The following ADAMTSL1 variants were observed in gnomAD, a reference collection of about 807,000 sequenced individuals.
The protein encoded by ADAMTSL1 is ADAMTS-like protein 1.
A neutral mutation model predicts 201.8 loss-of-function variants in ADAMTSL1; 126 were observed. That is an observed-to-expected ratio of 0.62 (90% CI 0.54 to 0.72). The LOEUF (loss-of-function observed/expected upper bound fraction) is 0.72. Among genes scored for constraint, ADAMTSL1 ranks in the 30% least tolerant of loss-of-function variants. The pLI is 0.00. For missense variants in ADAMTSL1, 2,679 were observed against 2,277.8 expected (o/e 1.18, Z -3.59); for synonymous variants, 1,121 against 903.4 (o/e 1.24, Z -4.32).
At chr9:18,182,898 A>G (rs1828564689) in intron 2 of ADAMTSL1, among the ~76,000 whole-genome samples, 1 of 152,216 alleles carries the variant, frequency 6.6e-6, no homozygotes, top group Admixed American at 6.5e-5. Flanking sequence ...AGCAGGAGCC[A>G]TGGACTCTCA....
chr9:18,361,124 T>C (rs1269048405), intron 2 of ADAMTSL1, among the ~76,000 whole-genome samples: 3 of 152,136 alleles, frequency 2.0e-5, no homozygotes, highest in Non-Finnish European at 1.5e-5. Flanking sequence ...CCATGAGTTG[T>C]ACTGTCGACA....
At chr9:18,274,540 A>T (rs370662727) in intron 2 of ADAMTSL1, among the ~76,000 whole-genome samples, 5 of 152,254 alleles carry the variant, frequency 3.3e-5, no homozygotes, top group Admixed American at 2.6e-4. Context: ...AGGCAAAATA[A>T]AAAGAAAATT....
Position 18,743,272 on chromosome 9 carries a change from A to G in ADAMTSL1, c.2007-10026A>G, listed in dbSNP as rs533302284. On this transcript the variant is annotated intron_variant, in intron 15 of 28. Coordinates refer to ENST00000380548, the MANE Select transcript of ADAMTSL1 (RefSeq NM_001040272.6). The stretch of plus-strand genomic sequence containing the variant: ...TGAGGGAAGGCTGAAGACACTTTAT[A>G]TAATTGGACCTAGTTTTGGTGTTAT... Among the ~76,000 whole-genome samples, 3 of 152,292 alleles carry G rather than the reference A, an allele frequency of 2.0e-5. No homozygotes were observed. The South Asian group carries it at 6.2e-4, about 32-fold the overall frequency.
chr9:18,604,468 A>G (rs1004446653), intron 4 of ADAMTSL1, among the ~76,000 whole-genome samples: 2 of 152,046 alleles, frequency 1.3e-5, no homozygotes, highest in African/African-American at 2.4e-5. Context: ...TTCTTTCTCT[A>G]TGAATTTGAC....
intron 2 of ADAMTSL1, among the ~76,000 whole-genome samples, chr9:18,201,317 T>A (rs532824746): frequency 6.6e-6 from 1 of 152,138 alleles, no homozygotes; most frequent in Admixed American, 6.6e-5. Context: ...CCTTCCAGTA[T>A]GTCTACTGTA....
intron 1 of ADAMTSL1, among the ~76,000 whole-genome samples, chr9:17,931,964 C>T (rs912613950): frequency 5.3e-5 from 8 of 152,228 alleles, no homozygotes; most frequent in Admixed American, 2.6e-4. Flanking sequence ...AGAGCAAGAC[C>T]GCAATGTAGA....
At chr9:18,656,628 CAAA>C (rs34965386) in intron 7 of ADAMTSL1, among the ~76,000 whole-genome samples, 4 of 75,344 alleles carry the variant, frequency 5.3e-5, no homozygotes, top group African/African-American at 4.6e-5. Context: ...GACTCCATCG[CAAA>C]AAAAAAAAAA....
intron 1 of ADAMTSL1, among the ~76,000 whole-genome samples, chr9:18,107,942 C>T (rs770970844): frequency 4.7e-4 from 71 of 152,016 alleles, no homozygotes; most frequent in African/African-American, 1.6e-3. Flanking sequence ...AAACCACTGC[C>T]GATTTCTGAT....
At chr9:17,922,518 AC>A (rs1826345939) in intron 1 of ADAMTSL1, among the ~76,000 whole-genome samples, 1 of 151,874 alleles carries the variant, frequency 6.6e-6, no homozygotes, top group African/African-American at 2.4e-5. Context: ...TATTACCGGT[AC>A]CCCCTCCATT....
chr9:18,319,861 T>C (rs989434051), intron 2 of ADAMTSL1, among the ~76,000 whole-genome samples: 1 of 152,182 alleles, frequency 6.6e-6, no homozygotes, highest in Non-Finnish European at 1.5e-5. Context: ...ATTCAGGATA[T>C]GGGCATGGAG....
intron 2 of ADAMTSL1, among the ~76,000 whole-genome samples, chr9:18,305,992 C>T (rs1833894359): frequency 6.6e-6 from 1 of 152,124 alleles, no homozygotes; most frequent in Admixed American, 6.5e-5. Context: ...CCCTCTGGGA[C>T]AAAGCTTCCA....
At chr9:18,485,023 C>A (rs1413069250) in intron 1 of ADAMTSL1, among the ~76,000 whole-genome samples, 3 of 152,150 alleles carry the variant, frequency 2.0e-5, no homozygotes, top group African/African-American at 7.2e-5. Flanking sequence ...GTACTTGCTT[C>A]AATGTAAGAA....
Position 18,867,488 on chromosome 9 carries a change from A to G in ADAMTSL1, c.4250-20343A>G, listed in dbSNP as rs529794348. On this transcript the variant is annotated intron_variant, in intron 23 of 28. Transcript: ENST00000380548. ...TATGGGTAATTTCACATATATACAA[A>G]ATAAACCTGATGGTATATAAGAGAA... is the stretch of plus-strand genomic sequence containing the variant. Among the ~76,000 whole-genome samples, 4 of 152,340 alleles carry G rather than the reference A, an allele frequency of 2.6e-5. No individual in the cohort carries two copies. In the South Asian group the frequency reaches 8.3e-4, roughly 32 times the overall value.
chr9:18,694,762 C>T (rs1266678852), intron 13 of ADAMTSL1, among the ~76,000 whole-genome samples: 2 of 152,204 alleles, frequency 1.3e-5, no homozygotes, highest in Non-Finnish European at 2.9e-5. Flanking sequence ...TGGCCTTCTT[C>T]TCACAGCTCC....
intron 7 of ADAMTSL1, among the ~76,000 whole-genome samples, chr9:18,646,317 C>A (rs1827809347): frequency 6.6e-6 from 1 of 152,166 alleles, no homozygotes; most frequent in Admixed American, 6.5e-5. Context: ...TCTAGATATA[C>A]AATCATGTCA....
intron 23 of ADAMTSL1, among the ~76,000 whole-genome samples, chr9:18,839,198 A>G (rs1825547170): frequency 1.2e-5 from 1 of 84,772 alleles, no homozygotes; most frequent in South Asian, 4.5e-4. Context: ...CCCACCCCAC[A>G]ACAGTCCCCA....
At chr9:17,961,994 T>C (rs939763905) in intron 1 of ADAMTSL1, among the ~76,000 whole-genome samples, 1 of 152,178 alleles carries the variant, frequency 6.6e-6, no homozygotes. Flanking sequence ...TAGAGACACA[T>C]TGACTTGCAG....
At chr9:18,822,290 C>T (rs1183661392) in intron 21 of ADAMTSL1, among the ~76,000 whole-genome samples, 2 of 152,186 alleles carry the variant, frequency 1.3e-5, no homozygotes, top group Non-Finnish European at 2.9e-5. Context: ...GACCAAGCTT[C>T]TCAACAAGAA....
At chr9:18,608,546 C>T (rs1825173264) in intron 4 of ADAMTSL1, among the ~76,000 whole-genome samples, 1 of 152,126 alleles carries the variant, frequency 6.6e-6, no homozygotes, top group Non-Finnish European at 1.5e-5. Context: ...TTGCTTTTGT[C>T]TAAAATGAAA....
Sources: allele counts gnomAD v4.1 joint callset (sites outside exome capture counted in the v4.1 genomes callset), GRCh38; gene constraint gnomAD v4.1.1; transcripts MANE v1.5; gene names NCBI Gene and HGNC (gene_info 2026-07-23, HGNC 2026-07-21).